The following NRXN3 variants were observed in gnomAD, a reference collection of about 807,000 sequenced individuals.
NRXN3 encodes neurexin 3, also known as neurexin III.
NRXN3 carries 32 observed loss-of-function variants against 137.6 expected under a neutral mutation model. That is an observed-to-expected ratio of 0.23 (90% CI 0.18 to 0.31). The LOEUF (loss-of-function observed/expected upper bound fraction) is 0.31, where lower values mean the gene tolerates loss of function less well. Among genes scored for constraint, NRXN3 ranks in the 10% least tolerant of loss-of-function variants. The pLI is 1.00. For missense variants in NRXN3, 1,574 were observed against 2,062.5 expected (o/e 0.76, Z 4.59); for synonymous variants, 798 against 784.5 (o/e 1.02, Z -0.29).
At chr14:78,565,030 G>T (rs1289581400) in intron 4 of NRXN3, among the ~76,000 whole-genome samples, 1 of 152,150 alleles carries the variant, frequency 6.6e-6, no homozygotes, top group Non-Finnish European at 1.5e-5. Context: ...ATGCTATTTT[G>T]TATGACCATA....
In NRXN3 at chr14:79,585,696, A is replaced by AAC. The variant is rs1177329985; in HGVS notation, c.3445-78081_3445-78080insCA. ...GAGACTCCATCTTAAAAAAAAAACA[A>AAC]AAAAAAAAAAAACCAACTTTGATAA... is the stretch of plus-strand genomic sequence containing the variant. On this transcript the variant is annotated intron_variant, in intron 16 of 20. Coordinates refer to ENST00000335750, the MANE Select transcript of NRXN3 (RefSeq NM_001330195.2). Among the ~76,000 whole-genome samples, 89 of 149,312 alleles carry AAC rather than the reference A, an allele frequency of 6.0e-4. 3 individuals carry two copies. The highest frequency in any genetic ancestry group is 2.2e-3 in the African/African-American group (87 of 39,970).
chr14:78,585,418 G>A lies in NRXN3; in HGVS notation c.758-59702G>A, dbSNP rs1171970689. On this transcript the variant is annotated intron_variant, in intron 4 of 20. Transcript: ENST00000335750. The stretch of plus-strand genomic sequence containing the variant: ...AGAATGGAAGGTTTGGGAGTGAGAC[G>A]GAGCCATGGACAAATTGAAGCAGAG... 3.3e-5 allele frequency among the ~76,000 whole-genome samples: 5 copies of A among 152,228 alleles called. No individual in the cohort carries two copies. In the East Asian group the frequency reaches 9.7e-4, roughly 29 times the overall value.
rs564943680 is a variant in NRXN3 at position 79,740,327 on chromosome 14, T to C, written c.4014+42390T>C. ...GGTCCAATCTCCCTTGTCACATGTGTTATCTTTCCCAAACACTGTCACAAC... is the reference window on the plus strand; with the variant it reads ...GGTCCAATCTCCCTTGTCACATGTGCTATCTTTCCCAAACACTGTCACAAC... On this transcript the variant is annotated intron_variant, in intron 19 of 20. Coordinates refer to ENST00000335750, the MANE Select transcript of NRXN3 (RefSeq NM_001330195.2). 5.3e-5 allele frequency among the ~76,000 whole-genome samples: 8 copies of C among 152,190 alleles called. No individual in the cohort carries two copies. In the East Asian group the frequency reaches 1.2e-3, roughly 22 times the overall value.
chr14:79,574,212 G>A (rs534312985), intron 16 of NRXN3, among the ~76,000 whole-genome samples: 1 of 149,816 alleles, frequency 6.7e-6, no homozygotes, highest in Non-Finnish European at 1.5e-5. Flanking sequence ...CCAAATATGC[G>A]TGCATGCACC....
At chr14:78,389,422 C>T (rs1214698631) in intron 4 of NRXN3, among the ~76,000 whole-genome samples, 3 of 152,150 alleles carry the variant, frequency 2.0e-5, no homozygotes, top group Non-Finnish European at 1.5e-5. Flanking sequence ...CCTTAACTTA[C>T]CTGCAGAGCG....
chr14:79,802,388 C>T (rs764289415), intron 19 of NRXN3, among the ~76,000 whole-genome samples: 3 of 152,124 alleles, frequency 2.0e-5, no homozygotes, highest in African/African-American at 4.8e-5. Context: ...TACCACCATC[C>T]TAAGGAGTTT....
intron 20 of NRXN3, among the ~76,000 whole-genome samples, chr14:79,816,510 G>A (rs1296916222): frequency 6.6e-6 from 1 of 152,200 alleles, no homozygotes; most frequent in Admixed American, 6.5e-5. Flanking sequence ...ATGTCTTCAT[G>A]AGAATGTCCA....
At chr14:79,660,507 A>T (rs950857631) in intron 16 of NRXN3, among the ~76,000 whole-genome samples, 2 of 152,144 alleles carry the variant, frequency 1.3e-5, no homozygotes, top group African/African-American at 4.8e-5. Context: ...GGCACCTAAG[A>T]TAAGGACCAA....
In NRXN3 at chr14:79,385,214, C is replaced by CA. The variant is rs925697031; in HGVS notation, c.3263-82007_3263-82006insA. ...TCCCAATGCTATCCTTCCCCCCGCC[C>CA]CCACCCCACCACAGTCCCCAGAGTG... On this transcript the variant is annotated intron_variant, in intron 15 of 20. Transcript: ENST00000335750. Among the ~76,000 whole-genome samples, 37 of 124,450 alleles carry CA rather than the reference C, an allele frequency of 3.0e-4. 1 individual carries two copies. The highest frequency in any genetic ancestry group is 5.6e-4 in the Non-Finnish European group (32 of 56,938). The allele number at this position is 124,450 out of a possible 152,430, so 81.6% of individuals were successfully genotyped here.
chr14:78,695,274 A>C (rs2098214773), intron 6 of NRXN3: 1 of 152,048 alleles, frequency 6.6e-6, no homozygotes, highest in Non-Finnish European at 1.5e-5. Flanking sequence ...ACTTAATCAC[A>C]TCTGTAAAGA....
At chr14:78,238,254 C>T (rs2066601447) in intron 1 of NRXN3, among the ~76,000 whole-genome samples, 1 of 151,194 alleles carries the variant, frequency 6.6e-6, no homozygotes, top group African/African-American at 2.4e-5. Context: ...AATTAGCTGA[C>T]AATTAGATAA....
At chr14:78,464,076 A>T (rs2095021598) in intron 4 of NRXN3, among the ~76,000 whole-genome samples, 1 of 143,978 alleles carries the variant, frequency 6.9e-6, no homozygotes, top group Admixed American at 7.1e-5. Flanking sequence ...TTTTTGAGGC[A>T]GAGTCTGGCT....
chr14:79,844,267 G>A (rs910942612), intron 20 of NRXN3, among the ~76,000 whole-genome samples: 4 of 151,012 alleles, frequency 2.6e-5, no homozygotes, highest in African/African-American at 9.8e-5. Context: ...ATGAGGTTTT[G>A]CATTAAACTT....
intron 4 of NRXN3, among the ~76,000 whole-genome samples, chr14:78,353,017 G>T (rs1275276425): frequency 1.3e-5 from 2 of 152,208 alleles, no homozygotes. Context: ...CATGAGCAGG[G>T]AGTAAGGATC....
intron 15 of NRXN3, among the ~76,000 whole-genome samples, chr14:79,227,784 T>TCCTTCCTA (rs2071275107): frequency 1.1e-5 from 1 of 88,094 alleles, no homozygotes; most frequent in South Asian, 4.3e-4. Flanking sequence ...CTTCCTTCCT[T>TCCTTCCTA]CCCTCCTCCC....
At chr14:78,315,618 T>G (rs534143924) in intron 4 of NRXN3, among the ~76,000 whole-genome samples, 6 of 152,358 alleles carry the variant, frequency 3.9e-5, no homozygotes, top group African/African-American at 1.4e-4. Flanking sequence ...TTGTAGTTCT[T>G]GTTTTAAGGG....
chr14:78,329,162 A>G (rs745356436), intron 4 of NRXN3, among the ~76,000 whole-genome samples: 4 of 152,194 alleles, frequency 2.6e-5, no homozygotes, highest in Non-Finnish European at 5.9e-5. Flanking sequence ...TAAAAATAAT[A>G]TAGTAATTAC....
At chr14:79,263,146 G>A (rs961207732) in intron 15 of NRXN3, among the ~76,000 whole-genome samples, 1 of 152,084 alleles carries the variant, frequency 6.6e-6, no homozygotes, top group Admixed American at 6.6e-5. Flanking sequence ...CAACTTCAAA[G>A]CTATAATTTT....
At chr14:79,700,321 T>TG (rs1286637281) in intron 19 of NRXN3, among the ~76,000 whole-genome samples, 3 of 151,842 alleles carry the variant, frequency 2.0e-5, no homozygotes, top group Admixed American at 6.6e-5. Flanking sequence ...CAGAAGTGAG[T>TG]GGGGAAAAAA....
Sources: allele counts gnomAD v4.1 joint callset (sites outside exome capture counted in the v4.1 genomes callset), GRCh38; gene constraint gnomAD v4.1.1; transcripts MANE v1.5; gene names NCBI Gene and HGNC (gene_info 2026-07-23, HGNC 2026-07-21).